SCAMP4: variants seen among roughly 807,000 people sequenced by gnomAD.
The protein encoded by SCAMP4 is secretory carrier membrane protein 4, also known as secretory carrier-associated membrane protein 4.
SCAMP4 carries 19 observed loss-of-function variants against 32.1 expected under a neutral mutation model. That is an observed-to-expected ratio of 0.59 (90% CI 0.41 to 0.87). SCAMP4 has a LOEUF of 0.87. Ranked by LOEUF, SCAMP4 falls within the 40% of genes least tolerant of loss-of-function variation. The pLI, the probability that SCAMP4 is intolerant of heterozygous loss-of-function variation, is 0.00. For synonymous variants in SCAMP4, 152 were observed against 132.7 expected (o/e 1.15, Z -1.00); for missense variants, 302 against 309.0 (o/e 0.98, Z 0.17).
intron 5 of SCAMP4, chr19:1,922,291 G>T (rs752547736): frequency 5.1e-6 from 5 of 979,090 alleles, no homozygotes; most frequent in Non-Finnish European, 6.1e-6. Flanking sequence ...ACAGAATCTT[G>T]CTCTGTCCCC....
At chr19:1,919,364 C>G (rs1599253480) in intron 5 of SCAMP4, 1 of 985,420 alleles carries the variant, frequency 1.0e-6, no homozygotes, top group Non-Finnish European at 1.2e-6. Context: ...GGAGGAAGAC[C>G]TGTACATCTG....
chr19:1,908,617 A>G lies in SCAMP4; in HGVS notation c.-42+3178A>G, dbSNP rs1174826356. The G allele has an allele frequency of 4.3e-6, 2 of 470,106 alleles. No individual in the cohort carries two copies. The highest frequency in any genetic ancestry group is 2.0e-5 in the African/African-American group (1 of 50,054). 29.1% of individuals were successfully genotyped at this position (470,106 alleles called of 1,614,324 possible). A position where few individuals can be genotyped will look rare whatever the true frequency, so the allele number is the denominator to read the frequency against. ...ATCTGAGGCAGTACTGTCTGCTAGAAATAACTGTGAGCACACAGGTAGTAA... is the reference window on the plus strand; with the variant it reads ...ATCTGAGGCAGTACTGTCTGCTAGAGATAACTGTGAGCACACAGGTAGTAA... On this transcript the variant is annotated intron_variant, in intron 1 of 6. Coordinates refer to ENST00000316097, the MANE Select transcript of SCAMP4 (RefSeq NM_079834.4). This position sits in a 1 kb window ranked among gnomAD's most constrained non-coding sequence, Gnocchi z 4.2.
chr19:1,922,540 A>AGTGCCTCC, intron 5 of SCAMP4: 1 of 985,318 alleles, frequency 1.0e-6, no homozygotes, highest in Non-Finnish European at 1.2e-6. Context: ...CGGCCTCCTC[A>AGTGCCTCC]TTGTTTCTAA....
intron 1 of SCAMP4, among the ~76,000 whole-genome samples, chr19:1,909,886 G>A (rs972827486): frequency 6.6e-6 from 1 of 152,232 alleles, no homozygotes; most frequent in Admixed American, 6.5e-5. Context: ...GAGGGGCTGC[G>A]CTCCGGGGCT....
chr19:1,913,357 C>T (rs1568767269), intron 1 of SCAMP4: 3 of 718,492 alleles, frequency 4.2e-6, no homozygotes, highest in East Asian at 2.9e-5. Context: ...CCAGCGGTGC[C>T]CTTCTGCGGC....
At chr19:1,918,816 G>T (rs1259815659) in intron 4 of SCAMP4, 73 bp from the exon 5 acceptor site, 2 of 1,548,138 alleles carry the variant, frequency 1.3e-6, no homozygotes, top group African/African-American at 2.7e-5. Flanking sequence ...TCTCTGACTG[G>T]CCCGTTCCTC....
intron 5 of SCAMP4, chr19:1,922,019 C>T: frequency 1.0e-6 from 1 of 985,506 alleles, no homozygotes; most frequent in East Asian, 1.1e-4. Flanking sequence ...TGCGGGCTGC[C>T]TGTGCACCAG....
At chr19:1,923,310 C>G in intron 6 of SCAMP4, 123 bp downstream of exon 6, 1 of 780,134 alleles carries the variant, frequency 1.3e-6, no homozygotes, top group Non-Finnish European at 2.0e-6. Context: ...ACGCAGGCCG[C>G]ACTTCATCCC....
chr19:1,916,860 C>T (rs915212821), intron 2 of SCAMP4, among the ~76,000 whole-genome samples: 14 of 152,332 alleles, frequency 9.2e-5, no homozygotes, highest in Middle Eastern at 6.8e-3. Context: ...TGTGCGGACT[C>T]GGCCTGCTGA....
intron 4 of SCAMP4, 176 bp from the exon 5 acceptor site, chr19:1,918,713 G>C: frequency 1.0e-6 from 1 of 1,002,558 alleles, no homozygotes; most frequent in Non-Finnish European, 1.4e-6. Context: ...AGTGAGCCGA[G>C]ATCTCGACAC....
At chr19:1,922,173 A>G (rs1448395733) in intron 5 of SCAMP4, 7 of 985,352 alleles carry the variant, frequency 7.1e-6, no homozygotes, top group Non-Finnish European at 3.6e-6. Context: ...GGCAGGTGCA[A>G]TGCCCAGAGG....
chr19:1,920,262 G>A lies in SCAMP4; in HGVS notation c.395+1272G>A, dbSNP rs144727448. ...CACGGGTGACGCTGCTCACGGAGCC[G>A]TGGGTGCCTTTGGTTTCCTGGGCTC... On this transcript the variant is annotated intron_variant, in intron 5 of 6. Coordinates refer to ENST00000316097, the MANE Select transcript of SCAMP4 (RefSeq NM_079834.4). The A allele has an allele frequency of 9.7e-4, 960 of 985,438 alleles. 4 individuals carry two copies. In the African/African-American group the frequency reaches 0.015, roughly 16 times the overall value. The allele number at this position is 985,438 out of a possible 1,614,324, so 61.0% of individuals were successfully genotyped here.
At chr19:1,918,807 C>G in intron 4 of SCAMP4, 82 bp from the exon 5 acceptor site, 2 of 1,533,672 alleles carry the variant, frequency 1.3e-6, no homozygotes, top group Non-Finnish European at 1.8e-6. Context: ...CTCTCACCAT[C>G]TCTGACTGGC....
intron 2 of SCAMP4, 68 bp downstream of exon 2, chr19:1,915,094 G>A: frequency 6.3e-7 from 1 of 1,597,886 alleles, no homozygotes; most frequent in Admixed American, 1.7e-5. Context: ...GTTCCCACAG[G>A]AGCCCTCGGT....
chr19:1,909,414 C>G (rs1028908774), intron 1 of SCAMP4, among the ~76,000 whole-genome samples: 1 of 152,230 alleles, frequency 6.6e-6, no homozygotes, highest in Non-Finnish European at 1.5e-5. Flanking sequence ...ACCAGCCCTT[C>G]CTCTCCAGTG....
In SCAMP4 at chr19:1,908,295, G is replaced by C. The variant is rs1027534434; in HGVS notation, c.-42+2856G>C. 1.5e-5 allele frequency: 5 copies of C among 325,190 alleles called. No individual in the cohort carries two copies. The highest frequency in any genetic ancestry group is 6.7e-5 in the African/African-American group (3 of 44,704). The allele number at this position is 325,190 out of a possible 1,614,324, so 20.1% of individuals were successfully genotyped here. A position where few individuals can be genotyped will look rare whatever the true frequency, so the allele number is the denominator to read the frequency against. ...TCTCCGGTTCTGTGCTTTGTTGAAC[G>C]CGTGAGCTTCGGGCAGCGCTGGGGC... On this transcript the variant is annotated intron_variant, in intron 1 of 6. Transcript: ENST00000316097. This position sits in a 1 kb window ranked among gnomAD's most constrained non-coding sequence, Gnocchi z 4.2.
chr19:1,922,159 C>A (rs1318354867), intron 5 of SCAMP4: 1 of 985,354 alleles, frequency 1.0e-6, no homozygotes, highest in East Asian at 1.1e-4. Flanking sequence ...TCCTGGGTCT[C>A]AAAGGCAGGT....
At chr19:1,920,420 G>A (rs886442545) in intron 5 of SCAMP4, 1 of 660,694 alleles carries the variant, frequency 1.5e-6, no homozygotes, top group Non-Finnish European at 1.9e-6. Flanking sequence ...AGGGCCCCTC[G>A]ATCTGCAGGC....
chr19:1,925,967 G>A lies in SCAMP4; in HGVS notation c.*1683G>A, dbSNP rs1170698265. ...CCCCTCGCCGCATCGTTGGGGTTTTGTTATGTGAAAATATCCTGGAAATAA... is the reference window on the plus strand; with the variant it reads ...CCCCTCGCCGCATCGTTGGGGTTTTATTATGTGAAAATATCCTGGAAATAA... On this transcript the variant is annotated 3_prime_UTR_variant, in exon 7 of 7. Transcript: ENST00000316097. The A allele has an allele frequency of 8.7e-6, 1 of 115,474 alleles. No individual in the cohort carries two copies. The highest frequency in any genetic ancestry group is 1.6e-5 in the Non-Finnish European group (1 of 60,966). 7.2% of individuals were successfully genotyped at this position (115,474 alleles called of 1,614,324 possible). A position where few individuals can be genotyped will look rare whatever the true frequency, so the allele number is the denominator to read the frequency against.
Sources: gnomAD v4.1 joint callset for allele counts (sites outside exome capture counted in the v4.1 genomes callset) on GRCh38, gnomAD v4.1.1 for gene constraint, Gnocchi (gnomAD v3.1) non-coding constraint, MANE v1.5 for transcripts, NCBI Gene and HGNC (gene_info 2026-07-23, HGNC 2026-07-21) for gene names.